The following IKBIP variants were observed in gnomAD, a reference collection of about 807,000 sequenced individuals.
IKBIP encodes the protein IKBKB interacting protein, also known as inhibitor of nuclear factor kappa-B kinase-interacting protein.
Under a neutral mutation model 31.0 loss-of-function variants are expected in IKBIP, and 28 were observed. The ratio of observed to expected loss-of-function variants is 0.90; its 90% CI spans 0.67 to 1.24. IKBIP has a LOEUF of 1.24. IKBIP is among the 50% of genes most tolerant of loss of function. IKBIP has a pLI of 0.00. For missense variants in IKBIP, 453 were observed against 441.9 expected (o/e 1.03, Z -0.23); for synonymous variants, 164 against 160.3 (o/e 1.02, Z -0.17).
chr12:98,621,021 G>A (rs1004631037), downstream of IKBIP, among the ~76,000 whole-genome samples: 5 of 152,092 alleles, frequency 3.3e-5, no homozygotes, highest in Non-Finnish European at 7.4e-5. Flanking sequence ...GCCGAGGTGG[G>A]TGGATCACCT....
chr12:98,627,273 C>G (rs2097615410), intron 2 of IKBIP, among the ~76,000 whole-genome samples: 1 of 131,190 alleles, frequency 7.6e-6, no homozygotes, highest in Admixed American at 8.6e-5. Context: ...CTGGCCAGCA[C>G]TATGTTAAAA....
At chr12:98,643,250 C>T (rs1033781734) in intron 1 of IKBIP, among the ~76,000 whole-genome samples, 7 of 152,156 alleles carry the variant, frequency 4.6e-5, no homozygotes, top group Non-Finnish European at 7.3e-5. Context: ...CGCGCCCAGC[C>T]GTAACAAATC....
chr12:98,639,127 G>A (rs1203384486), intron 1 of IKBIP, among the ~76,000 whole-genome samples: 3 of 149,782 alleles, frequency 2.0e-5, no homozygotes, highest in Admixed American at 6.7e-5. Flanking sequence ...TGCAACTTCC[G>A]CCTCCTGGGT....
chr12:98,614,432 A>T (rs1233087678), intron 2 of IKBIP: 14 of 707,064 alleles, frequency 2.0e-5, no homozygotes, highest in South Asian at 3.8e-5. Flanking sequence ...TTTAATTTTA[A>T]TTTTTTTTTT....
intron 1 of IKBIP, among the ~76,000 whole-genome samples, chr12:98,641,699 A>G (rs1028526356): frequency 6.6e-6 from 1 of 152,214 alleles, no homozygotes; most frequent in Non-Finnish European, 1.5e-5. Context: ...TCTGTCTCTC[A>G]GGCTGGAGCA....
At chr12:98,618,393 G>A (rs952467907) in intron 2 of IKBIP, among the ~76,000 whole-genome samples, 6 of 151,938 alleles carry the variant, frequency 3.9e-5, no homozygotes, top group Non-Finnish European at 5.9e-5. Context: ...TTGGGAGGCC[G>A]AGGTGGGCGG....
At chr12:98,613,595 T>C (rs754620815) in exon 3 of IKBIP, 27 of 1,483,104 alleles carry the variant, frequency 1.8e-5, no homozygotes, top group Non-Finnish European at 2.2e-5. Context: ...CTAATTCATA[T>C]CTGAAATGTG....
Position 98,626,129 on chromosome 12 carries a change from A to G in IKBIP, c.935T>C (p.Leu312Pro), listed in dbSNP as rs1462478702. The G allele has an allele frequency of 6.2e-7, 1 of 1,609,152 alleles. No homozygotes were observed. Among genetic ancestry groups the G allele is most frequent in the African/African-American group, 1.3e-5 (1 of 74,844 alleles). Reference sequence around the variant, plus strand: ...CTCCATTATTTCAGACACTGCTTTCAGCATATCATCTTCCATATTAAACAT... The same window carrying G: ...CTCCATTATTTCAGACACTGCTTTCGGCATATCATCTTCCATATTAAACAT... Reference protein sequence around the residue: ...MQMFNMEDDMLKAVSEIMEMQ... With the variant: ...MQMFNMEDDMPKAVSEIMEMQ... Residue 312 changes from leucine (L) to proline (P), a missense_variant, in exon 3 of 3, where the codon CTG (leucine) becomes CCG (proline). Transcript: ENST00000299157.
downstream of IKBIP, among the ~76,000 whole-genome samples, chr12:98,620,849 CT>C (rs1282207616): frequency 7.3e-5 from 11 of 151,292 alleles, no homozygotes; most frequent in Non-Finnish European, 5.9e-5. Flanking sequence ...CTCACCTCTA[CT>C]TTTTTTTATA....
In IKBIP at chr12:98,644,625, C is replaced by G. The variant is rs2097636675; in HGVS notation, c.77G>C (p.Gly26Ala). The G allele has an allele frequency of 1.2e-6, 2 of 1,610,706 alleles. No individual in the cohort carries two copies. The highest frequency in any genetic ancestry group is 1.7e-6 in the Non-Finnish European group (2 of 1,179,166). The change falls in exon 1 of 3, where the codon GGC becomes GCC. Residue 26 changes from glycine to alanine, a missense_variant. By Grantham distance (60) the Gly-to-Ala change is moderately conservative (BLOSUM62 0). Coordinates refer to ENST00000299157, the MANE Select transcript of IKBIP (RefSeq NM_153687.4). ...GCTCCGGGCCACGGGGGTCTTCCCG[C>G]CCTCGCTCCGCTTCCCGGGCTCCGC... ...PAAEPGKRSE[G>A]GKTPVARSSG...
intron 1 of IKBIP, among the ~76,000 whole-genome samples, chr12:98,638,736 C>T (rs1188930685): frequency 6.6e-6 from 1 of 152,106 alleles, no homozygotes; most frequent in African/African-American, 2.4e-5. Context: ...AGGTACATTA[C>T]CACCACTGGC....
rs1371022776 is a variant in IKBIP, at chr12:98,626,371, T to C, written c.693A>G (p.Leu231=). 6 of 1,614,068 alleles carry C rather than the reference T, an allele frequency of 3.7e-6. No homozygotes were observed. Among genetic ancestry groups the C allele is most frequent in the Non-Finnish European group, 4.2e-6 (5 of 1,180,028 alleles). Residue 231 remains leucine (L), a synonymous_variant, in exon 3 of 3, where the codon CTA becomes CTG. Coordinates refer to ENST00000299157, the MANE Select transcript of IKBIP (RefSeq NM_153687.4). ...EEDLLRVEEQ[L]GSDTKAIEKL... ...TTTCAATTGCCTTTGTATCAGAGCC[T>C]AGCTGCTCCTCTACTCGCAGGAGAT... is the stretch of plus-strand genomic sequence containing the variant.
intron 2 of IKBIP, among the ~76,000 whole-genome samples, chr12:98,618,272 C>T (rs549564932): frequency 2.7e-4 from 41 of 152,164 alleles, no homozygotes; most frequent in African/African-American, 9.9e-4. Context: ...CTAAAGATAT[C>T]TTTTTTTCTA....
At chr12:98,631,017 C>T (rs906255059) in intron 2 of IKBIP, among the ~76,000 whole-genome samples, 8 of 151,964 alleles carry the variant, frequency 5.3e-5, no homozygotes, top group African/African-American at 1.7e-4. Context: ...ACCACAACCT[C>T]CACCTCCCAG....
At chr12:98,613,523 C>A in exon 3 of IKBIP, 1 of 713,362 alleles carries the variant, frequency 1.4e-6, no homozygotes, top group Non-Finnish European at 2.2e-6. Flanking sequence ...TTTGATTTAC[C>A]AGTCTTCTCA....
chr12:98,637,563 C>T (rs1280933052), intron 1 of IKBIP, among the ~76,000 whole-genome samples: 1 of 151,972 alleles, frequency 6.6e-6, no homozygotes, highest in East Asian at 1.9e-4. Context: ...CGTGTGCCAA[C>T]ACACCCAGCT....
chr12:98,634,522 G>T, intron 1 of IKBIP, 109 bp from the exon 2 acceptor site: 1 of 569,728 alleles, frequency 1.8e-6, no homozygotes. Context: ...ATTCTGGTAT[G>T]GGTAGCTGTA....
Position 98,644,725 on chromosome 12 carries a change from G to A in IKBIP, c.-24C>T, listed in dbSNP as rs761605795. On this transcript the variant is annotated 5_prime_UTR_variant, in exon 1 of 3. Coordinates refer to ENST00000299157, the MANE Select transcript of IKBIP (RefSeq NM_153687.4). Reference sequence around the variant, plus strand: ...ATGTCTGGAGACCCTAGGACGACAAGCCCAGGGCAGCTTCTTCACCAGGGG... The same window carrying A: ...ATGTCTGGAGACCCTAGGACGACAAACCCAGGGCAGCTTCTTCACCAGGGG... The A allele has an allele frequency of 6.3e-7, 1 of 1,582,078 alleles. No individual in the cohort carries two copies. The highest frequency in any genetic ancestry group is 2.0e-5 in the Admixed American group (1 of 50,662).
rs2097612504 is a variant in IKBIP, at chr12:98,624,530, C to T, written c.*1400G>A. On this transcript the variant is annotated 3_prime_UTR_variant, in exon 3 of 3. Coordinates refer to ENST00000299157, the MANE Select transcript of IKBIP (RefSeq NM_153687.4). ...CTTGACCACAACTACCTTTTTGTAA[C>T]TGACTGCTTTCAAGTTCTTTGTGTT... 1 of 985,006 alleles carries T rather than the reference C, an allele frequency of 1.0e-6. No individual in the cohort carries two copies. The highest frequency in any genetic ancestry group is 4.7e-5 in the South Asian group (1 of 21,284). 61.0% of individuals were successfully genotyped at this position (985,006 alleles called of 1,614,324 possible).
Sources: allele counts gnomAD v4.1 joint callset (sites outside exome capture counted in the v4.1 genomes callset), GRCh38; gene constraint gnomAD v4.1.1; transcripts MANE v1.5; gene names NCBI Gene and HGNC (gene_info 2026-07-23, HGNC 2026-07-21).